The following WTAP variants were observed in gnomAD, a reference collection of about 807,000 sequenced individuals.
The protein encoded by WTAP is WT1 associated protein, also known as pre-mRNA-splicing regulator WTAP.
WTAP carries 8 observed loss-of-function variants against 50.0 expected under a neutral mutation model. The observed-to-expected ratio is 0.16, with a 90% CI of 0.09 to 0.29. The LOEUF is 0.29. Among genes scored for constraint, WTAP ranks in the 10% least tolerant of loss-of-function variants. WTAP has a pLI of 1.00. For synonymous variants in WTAP, 194 were observed against 169.0 expected, an observed-to-expected ratio of 1.15 and a Z score of -1.15; for missense variants, 295 against 470.7, an observed-to-expected ratio of 0.63 and a Z score of 3.45.
intron 3 of WTAP, 124 bp downstream of exon 3, chr6:159,739,169 T>C: frequency 1.3e-6 from 1 of 765,566 alleles, no homozygotes; most frequent in Non-Finnish European, 2.0e-6. Context: ...TAATTTAATG[T>C]ACTTTTTGAG....
At chr6:159,749,193 T>G (rs1008501851) in intron 6 of WTAP, 4 of 985,876 alleles carry the variant, frequency 4.1e-6, no homozygotes, top group Non-Finnish European at 3.6e-6. Flanking sequence ...TGAAACTGTT[T>G]GAAGCATTAT....
intron 3 of WTAP, 59 bp downstream of exon 3, chr6:159,739,104 A>G: frequency 7.5e-7 from 1 of 1,336,978 alleles, no homozygotes; most frequent in Non-Finnish European, 1.1e-6. Context: ...TTGTGACTCT[A>G]CACTGTAATT....
At chr6:159,751,653 T>C (rs887709552) in intron 6 of WTAP, among the ~76,000 whole-genome samples, 1 of 152,238 alleles carries the variant, frequency 6.6e-6, no homozygotes, top group Non-Finnish European at 1.5e-5. Flanking sequence ...TACCACATGC[T>C]CACTGGTGGC....
chr6:159,727,799 G>A, intron 1 of WTAP, 96 bp downstream of exon 1: 1 of 876,908 alleles, frequency 1.1e-6, no homozygotes, highest in Non-Finnish European at 1.4e-6. Context: ...GGCGGGCAGG[G>A]CCCGAAAGGC....
chr6:159,736,269 A>G lies in WTAP; in HGVS notation c.4A>G (p.Thr2Ala). The change falls in exon 2 of 8, where the codon ACC becomes GCC. Residue 2 changes from threonine to alanine, a missense_variant. This residue lies in a region of WTAP where 120 missense variants were observed against 287.6 expected (regional missense o/e 0.42). Coordinates refer to ENST00000621533, the MANE Select transcript of WTAP (RefSeq NM_001270531.2). M[T>A]NEEPLPKKVR... ...ACTTTTTTTTTTAGGATTCAAGATG[A>G]CCAACGAAGAACCTCTTCCCAAGAA... 6.2e-7 allele frequency: 1 copy of G among 1,603,358 alleles called. No homozygotes were observed. Among genetic ancestry groups the G allele is most frequent in the Non-Finnish European group, 8.5e-7 (1 of 1,174,578 alleles).
At chr6:159,745,290 CA>C (rs1779509428) in intron 5 of WTAP, 1 of 152,202 alleles carries the variant, frequency 6.6e-6, no homozygotes, top group Admixed American at 6.5e-5. Flanking sequence ...TATTCATGCA[CA>C]TCTGATTCTC....
chr6:159,737,356 A>T (rs562887606), intron 2 of WTAP, among the ~76,000 whole-genome samples: 1 of 152,150 alleles, frequency 6.6e-6, no homozygotes, highest in Non-Finnish European at 1.5e-5. Flanking sequence ...CAGCCTTTCA[A>T]TATGTTACAT....
intron 6 of WTAP, among the ~76,000 whole-genome samples, chr6:159,751,829 A>G (rs574734646): frequency 3.3e-5 from 5 of 152,318 alleles, no homozygotes; most frequent in African/African-American, 1.2e-4. Context: ...TGGAAGGCTG[A>G]GGTAGGCAGA....
chr6:159,749,989 C>T (rs540726796), intron 6 of WTAP, among the ~76,000 whole-genome samples: 1 of 152,274 alleles, frequency 6.6e-6, no homozygotes, highest in South Asian at 2.1e-4. Flanking sequence ...CTTAAGTTCT[C>T]TCTTAATCAT....
chr6:159,727,369 G>A (rs1424102491), upstream of WTAP: 15 of 1,216,794 alleles, frequency 1.2e-5, no homozygotes, highest in South Asian at 5.3e-5. Context: ...GCGGAGCGGG[G>A]AGGCTGGCGG....
intron 1 of WTAP, among the ~76,000 whole-genome samples, chr6:159,734,326 G>A (rs536699915): frequency 7.4e-5 from 11 of 148,514 alleles, no homozygotes; most frequent in Admixed American, 6.8e-5. Context: ...AGTAGCTTTC[G>A]AGATGATGCC....
chr6:159,749,245 G>C, intron 6 of WTAP: 1 of 985,806 alleles, frequency 1.0e-6, no homozygotes, highest in South Asian at 4.7e-5. Flanking sequence ...GATATTAGCT[G>C]TGATGAGACT....
At chr6:159,730,959 G>C (rs899483801) in intron 1 of WTAP, 1 of 151,670 alleles carries the variant, frequency 6.6e-6, no homozygotes, top group African/African-American at 2.4e-5. Context: ...GTGAAACGCT[G>C]TCTCTACTAG....
At chr6:159,753,709 T>A in intron 7 of WTAP, 95 bp downstream of exon 7, 1 of 1,423,614 alleles carries the variant, frequency 7.0e-7, no homozygotes, top group East Asian at 2.3e-5. Context: ...ATTCTGTACA[T>A]TGTTAACCTC....
At position 159,743,655 on chromosome 6, in the gene WTAP, G is replaced by T. The variant is rs1437823769; in HGVS notation, c.146-10G>T. ...AAAATTGTATTTATAATTTTTTTTT[G>T]AATCATCAGCTAATGATGTAACTGG... On this transcript the variant is annotated splice_polypyrimidine_tract_variant and intron_variant, in intron 4 of 7. Transcript: ENST00000621533. The T allele has an allele frequency of 4.5e-6, 7 of 1,571,972 alleles. No homozygotes were observed. Among genetic ancestry groups the T allele is most frequent in the South Asian group, 2.4e-5 (2 of 82,286 alleles).
At chr6:159,729,143 G>A (rs970887444) in intron 1 of WTAP, among the ~76,000 whole-genome samples, 34 of 152,310 alleles carry the variant, frequency 2.2e-4, no homozygotes, top group African/African-American at 8.2e-4. Context: ...ACATTAAAGC[G>A]TTCAAGGTCT....
Position 159,748,175 on chromosome 6 carries a change from C to A in WTAP, c.274-16C>A. The A allele has an allele frequency of 1.2e-6, 2 of 1,607,208 alleles. No homozygotes were observed. The highest frequency in any genetic ancestry group is 2.7e-5 in the African/African-American group (2 of 74,740). On this transcript the variant is annotated splice_polypyrimidine_tract_variant and intron_variant, in intron 5 of 7. Transcript: ENST00000621533. This position sits in a 1 kb window ranked among gnomAD's most constrained non-coding sequence, Gnocchi z 5.6. ...TCCTTTGATTTGGTCGTAATTGTTT[C>A]TTTTGCTTTGCACAGACTCAAATCC...
Position 159,755,745 on chromosome 6 carries a change from CTTT to C in WTAP, c.*135_*137del, listed in dbSNP as rs1779980570. 3 of 288,320 alleles carry C rather than the reference CTTT, an allele frequency of 1.0e-5. No homozygotes were observed. Among genetic ancestry groups the C allele is most frequent in the Admixed American group, 1.8e-4 (1 of 5,480 alleles). 17.9% of individuals were successfully genotyped at this position (288,320 alleles called of 1,614,324 possible). The stretch of plus-strand genomic sequence containing the variant: ...TTGGTTTTTTTTTGTTGTTTTTTTT[CTTT>C]GTTTTTTTTTTCTTTTCTTTTTTTT... On this transcript the variant is annotated 3_prime_UTR_variant, in exon 8 of 8. Transcript: ENST00000621533.
At chr6:159,751,108 T>C (rs1303406921) in intron 6 of WTAP, among the ~76,000 whole-genome samples, 2 of 152,234 alleles carry the variant, frequency 1.3e-5, no homozygotes, top group South Asian at 2.1e-4. Context: ...TTTTTTTGTT[T>C]GTAATTTTAA....
Sources: gnomAD v4.1 joint callset for allele counts (sites outside exome capture counted in the v4.1 genomes callset) on GRCh38, gnomAD v4.1.1 for gene constraint, gnomAD v4.1.1 regional missense constraint, Gnocchi (gnomAD v3.1) non-coding constraint, MANE v1.5 for transcripts, NCBI Gene and HGNC (gene_info 2026-07-23, HGNC 2026-07-21) for gene names.